The following CPVL variants were observed in gnomAD, a reference collection of about 807,000 sequenced individuals.
CPVL encodes the protein probable serine carboxypeptidase CPVL.
CPVL carries 51 observed loss-of-function variants against 63.7 expected under a neutral mutation model. That is an observed-to-expected ratio of 0.80 (90% CI 0.64 to 1.01). The LOEUF (loss-of-function observed/expected upper bound fraction) is 1.01, where lower values mean the gene tolerates loss of function less well. CPVL is among the 50% of genes least tolerant of loss of function. CPVL has a pLI of 0.00. For synonymous variants in CPVL, 195 were observed against 206.0 expected (o/e 0.95, Z 0.46); for missense variants, 530 against 573.1 (o/e 0.92, Z 0.77).
chr7:29,116,157 CCTA>C (rs1788756093), intron 2 of CPVL, among the ~76,000 whole-genome samples: 3 of 152,190 alleles, frequency 2.0e-5, no homozygotes, highest in Non-Finnish European at 4.4e-5. Flanking sequence ...TAAAACAAGC[CCTA>C]CTGACAAGGC....
chr7:29,058,456 T>G (rs1183543074), intron 11 of CPVL, among the ~76,000 whole-genome samples: 1 of 152,100 alleles, frequency 6.6e-6, no homozygotes, highest in Non-Finnish European at 1.5e-5. Context: ...CATAAATAAT[T>G]ATGTCATCTT....
rs2128609408 is a variant in CPVL at position 29,095,121 on chromosome 7, C to T, written c.425G>A (p.Trp142Ter). The change falls in exon 5 of 13, where the codon TGG becomes TAG. Residue 142 changes from tryptophan (W) to a stop codon, truncating the protein, a stop_gained. Coordinates refer to ENST00000265394, the MANE Select transcript of CPVL (RefSeq NM_031311.5). LOFTEE classifies it high-confidence loss of function. The stretch of plus-strand genomic sequence containing the variant: ...GTAAAGCATGGAGAGCGTTGTGGTC[C>T]AGGGGAAGTCTCTGTCACGCACTGT... ...NMTLRDRDFP[W>*]TTTLSMLYID... is the part of the protein sequence containing the mutation. The T allele has an allele frequency of 6.2e-7, 1 of 1,613,922 alleles. No individual in the cohort carries two copies. Among genetic ancestry groups the T allele is most frequent in the East Asian group, 2.2e-5 (1 of 44,870 alleles).
chr7:29,035,485 G>C (rs541503214), intron 11 of CPVL, among the ~76,000 whole-genome samples: 1 of 152,314 alleles, frequency 6.6e-6, no homozygotes, highest in East Asian at 1.9e-4. Flanking sequence ...ATCTTGCTCT[G>C]TTTGTCTGGC....
intron 5 of CPVL, among the ~76,000 whole-genome samples, chr7:29,163,397 G>A (rs1795468011): frequency 6.6e-6 from 1 of 152,010 alleles, no homozygotes; most frequent in Non-Finnish European, 1.5e-5. Flanking sequence ...GTTTAAAAAT[G>A]TGTCTTTTAG....
At chr7:29,174,022 G>A (rs1216481992) in intron 5 of CPVL, among the ~76,000 whole-genome samples, 1 of 152,026 alleles carries the variant, frequency 6.6e-6, no homozygotes, top group East Asian at 1.9e-4. Flanking sequence ...TAATTGAGAG[G>A]CCCAGACACA....
chr7:29,017,554 A>T (rs779973895), intron 12 of CPVL, among the ~76,000 whole-genome samples: 21 of 152,316 alleles, frequency 1.4e-4, no homozygotes, highest in South Asian at 8.3e-4. Context: ...AATCACTTGC[A>T]CCTGGGAGGT....
intron 1 of CPVL, chr7:29,122,731 A>G (rs1278976662): frequency 2.2e-5 from 3 of 138,264 alleles, no homozygotes; most frequent in African/African-American, 5.3e-5. Flanking sequence ...GGAGGTACAG[A>G]TGCAGGGTCA....
chr7:29,048,518 C>T (rs988914824), intron 11 of CPVL, among the ~76,000 whole-genome samples: 2 of 152,046 alleles, frequency 1.3e-5, no homozygotes, highest in African/African-American at 4.8e-5. Flanking sequence ...AACAGTGGAG[C>T]TCCCAAATTT....
chr7:29,143,590 TAC>T, intron 1 of CPVL, among the ~76,000 whole-genome samples: 1 of 152,164 alleles, frequency 6.6e-6, no homozygotes, highest in Non-Finnish European at 1.5e-5. Context: ...GGTAATGGGA[TAC>T]AGAGTCCCAA....
At chr7:29,090,174 C>T (rs1018136176) in intron 6 of CPVL, among the ~76,000 whole-genome samples, 8 of 152,142 alleles carry the variant, frequency 5.3e-5, no homozygotes, top group African/African-American at 9.7e-5. Context: ...CCCTTGAATT[C>T]TTTCCTGGGC....
intron 7 of CPVL, among the ~76,000 whole-genome samples, chr7:29,079,078 T>C (rs1359904593): frequency 6.6e-6 from 1 of 152,196 alleles, no homozygotes; most frequent in Non-Finnish European, 1.5e-5. Flanking sequence ...ACTTACTCTA[T>C]AAAACTTAAT....
At chr7:29,121,092 C>T (rs755401293) in intron 1 of CPVL, 21 bp from the exon 2 acceptor site, 2 of 1,549,462 alleles carry the variant, frequency 1.3e-6, no homozygotes, top group Non-Finnish European at 8.7e-7. Context: ...AACAGCATTC[C>T]AAAAATGAAT....
intron 11 of CPVL, among the ~76,000 whole-genome samples, chr7:29,052,491 C>T (rs1214775420): frequency 2.9e-5 from 4 of 138,866 alleles, no homozygotes. Flanking sequence ...AAAGAAAACA[C>T]AAATTGGATT....
rs960763664 is a variant in CPVL, at chr7:29,069,591, C to G, written c.864+2182G>C. Among the ~76,000 whole-genome samples the G allele has an allele frequency of 2.6e-5, 4 of 152,068 alleles. No individual in the cohort carries two copies. The East Asian group carries it at 7.7e-4, about 29-fold the overall frequency. On this transcript the variant is annotated intron_variant, in intron 9 of 12. Coordinates refer to ENST00000265394, the MANE Select transcript of CPVL (RefSeq NM_031311.5). ...AGAGGATCAGTCATTTCACATCTTG[C>G]AGAATATCTAAGACGATCCAGGATT...
chr7:29,022,133 T>A (rs1056608355), intron 12 of CPVL, among the ~76,000 whole-genome samples: 2 of 152,024 alleles, frequency 1.3e-5, no homozygotes, highest in African/African-American at 2.4e-5. Context: ...CCTGCACATA[T>A]CTTAACAGGG....
At chr7:29,184,151 T>TGATAGATAGATAGATAGATA (rs56102038) in intron 4 of CPVL, among the ~76,000 whole-genome samples, 4 of 143,322 alleles carry the variant, frequency 2.8e-5, no homozygotes, top group South Asian at 2.3e-4. Context: ...TACAGATAGA[T>TGATAGATAGATAGATAGATA]GATAGATAGA....
At position 29,044,092 on chromosome 7, in the gene CPVL, C is replaced by T. The variant is rs188497089; in HGVS notation, c.1138-13333G>A. Among the ~76,000 whole-genome samples the T allele has an allele frequency of 4.2e-3, 644 of 152,196 alleles. 4 individuals are homozygous for T. Among genetic ancestry groups the T allele is most frequent in the African/African-American group, 0.014 (592 of 41,520 alleles). The stretch of plus-strand genomic sequence containing the variant: ...CTGATGTGTGACCGTGACATACAGA[C>T]CAAATCAGCCCCCTAGGACCAATCT... On this transcript the variant is annotated intron_variant, in intron 11 of 12. Transcript: ENST00000265394.
intron 7 of CPVL, among the ~76,000 whole-genome samples, chr7:29,081,095 C>T (rs554037752): frequency 2.2e-4 from 33 of 152,306 alleles, no homozygotes; most frequent in Non-Finnish European, 4.7e-4. Flanking sequence ...CTGTCACCTA[C>T]CTGCCTTCCC....
chr7:29,101,894 T>TG (rs200208131), intron 3 of CPVL, among the ~76,000 whole-genome samples: 1,621 of 152,334 alleles, frequency 0.011, 26 homozygotes, highest in African/African-American at 0.036. Context: ...CTATATATGC[T>TG]TATTCACTTA....
Sources: gnomAD v4.1 joint callset for allele counts (sites outside exome capture counted in the v4.1 genomes callset) on GRCh38, gnomAD v4.1.1 for gene constraint, MANE v1.5 for transcripts, NCBI Gene and HGNC (gene_info 2026-07-23, HGNC 2026-07-21) for gene names.